MLIP: variants seen among roughly 807,000 people sequenced by gnomAD.
The protein encoded by MLIP is muscular LMNA interacting protein.
Under a neutral mutation model 84.8 loss-of-function variants are expected in MLIP, and 79 were observed. The observed-to-expected ratio is 0.93, with a 90% CI of 0.78 to 1.12. The LOEUF (loss-of-function observed/expected upper bound fraction) is 1.12. MLIP is among the 50% of genes most tolerant of loss of function. The probability of loss-of-function intolerance (pLI) is 0.00; values close to 1 mark genes in which losing one functional copy is unlikely to be tolerated. For synonymous variants in MLIP, 504 were observed against 463.0 expected (o/e 1.09, Z -1.14); for missense variants, 1,257 against 1,160.6 (o/e 1.08, Z -1.21).
At chr6:54,212,623 A>C (rs1442961006) in intron 11 of MLIP, among the ~76,000 whole-genome samples, 2 of 152,116 alleles carry the variant, frequency 1.3e-5, no homozygotes, top group Non-Finnish European at 2.9e-5. Context: ...TTTTGGGTTG[A>C]GAATTTTTTT....
intron 1 of MLIP, among the ~76,000 whole-genome samples, chr6:54,116,326 G>T (rs913370215): frequency 2.6e-5 from 4 of 152,274 alleles, no homozygotes; most frequent in African/African-American, 9.6e-5. Flanking sequence ...AAGAGTGATT[G>T]CTCAATAAAA....
intron 1 of MLIP, among the ~76,000 whole-genome samples, chr6:54,024,930 C>G (rs1046493947): frequency 6.6e-6 from 1 of 151,844 alleles, no homozygotes; most frequent in African/African-American, 2.4e-5. Flanking sequence ...CTCTGCCTCC[C>G]GGGTTCAAGC....
At chr6:54,135,273 A>G (rs752228014) in intron 3 of MLIP, among the ~76,000 whole-genome samples, 43 of 152,172 alleles carry the variant, frequency 2.8e-4, no homozygotes, top group Non-Finnish European at 5.0e-4. Context: ...CTTGACTTTT[A>G]ATTATCTCTG....
chr6:54,051,479 C>T (rs1235288140), intron 1 of MLIP, among the ~76,000 whole-genome samples: 2 of 151,958 alleles, frequency 1.3e-5, no homozygotes, highest in Non-Finnish European at 2.9e-5. Flanking sequence ...GTACCAAAAC[C>T]CAAACGTACA....
At chr6:54,187,347 C>A (rs142998539) in intron 9 of MLIP, among the ~76,000 whole-genome samples, 51 of 152,240 alleles carry the variant, frequency 3.3e-4, no homozygotes, top group African/African-American at 1.2e-3. Context: ...TAAAGAACAT[C>A]ATGAGGGAGG....
chr6:54,257,972 G>A (rs898956294), intron 13 of MLIP, among the ~76,000 whole-genome samples: 2 of 151,864 alleles, frequency 1.3e-5, no homozygotes, highest in African/African-American at 4.8e-5. Context: ...CTATACCACA[G>A]AAACAAAGAA....
At chr6:54,086,255 A>G (rs1767480594) in intron 1 of MLIP, among the ~76,000 whole-genome samples, 1 of 152,116 alleles carries the variant, frequency 6.6e-6, no homozygotes, top group African/African-American at 2.4e-5. Flanking sequence ...ATGTGACTCT[A>G]TGTTTAAATT....
intron 13 of MLIP, chr6:54,261,751 A>G (rs1783408558): frequency 1.0e-6 from 1 of 984,678 alleles, no homozygotes; most frequent in Non-Finnish European, 1.2e-6. Flanking sequence ...CGTGGAAGCC[A>G]CTCTCATTTT....
At chr6:54,129,612 A>G (rs1771215011) in intron 3 of MLIP, among the ~76,000 whole-genome samples, 1 of 152,178 alleles carries the variant, frequency 6.6e-6, no homozygotes, top group South Asian at 2.1e-4. Flanking sequence ...TTCTGACCCG[A>G]GAGATTTAGA....
rs541495861 is a variant in MLIP at position 54,124,967 on chromosome 6, CT to C, written c.645+105del. ...GCCATCCTGTTTAAGGCAGACAAAA[CT>C]TTCAAAGAAAAATATATTTAAAAAA... On this transcript the variant is annotated intron_variant, in intron 3 of 13. Transcript: ENST00000502396. The C allele has an allele frequency of 6.1e-3, 6,026 of 986,320 alleles. 27 individuals are homozygous for C. Among genetic ancestry groups the C allele is most frequent in the Non-Finnish European group, 6.9e-3 (4,888 of 710,860 alleles). 61.1% of individuals were successfully genotyped at this position (986,320 alleles called of 1,614,324 possible).
At chr6:54,251,618 A>G (rs1282246702) in intron 12 of MLIP, among the ~76,000 whole-genome samples, 2 of 105,442 alleles carry the variant, frequency 1.9e-5, no homozygotes, top group Admixed American at 2.4e-4. Flanking sequence ...AACATATAAT[A>G]TATAATACAA....
chr6:54,182,751 A>G (rs1056134569), intron 9 of MLIP, among the ~76,000 whole-genome samples: 1 of 152,222 alleles, frequency 6.6e-6, no homozygotes, highest in Non-Finnish European at 1.5e-5. Context: ...CATCACATTT[A>G]TATAATTCAA....
At chr6:54,042,366 C>T (rs1561886336) in intron 1 of MLIP, among the ~76,000 whole-genome samples, 1 of 152,124 alleles carries the variant, frequency 6.6e-6, no homozygotes, top group Admixed American at 6.6e-5. Flanking sequence ...TCCTCCTCCT[C>T]ATCCTCCTCT....
intron 12 of MLIP, among the ~76,000 whole-genome samples, chr6:54,244,159 A>T (rs1157447015): frequency 1.3e-5 from 2 of 152,162 alleles, no homozygotes; most frequent in African/African-American, 4.8e-5. Flanking sequence ...TTCTAACTTT[A>T]TGTATGATTA....
chr6:54,047,274 G>A (rs918701570), intron 1 of MLIP: 1 of 152,124 alleles, frequency 6.6e-6, no homozygotes, highest in Non-Finnish European at 1.5e-5. Flanking sequence ...GGAAGATAGA[G>A]GGATGAGTGA....
chr6:54,256,822 A>G (rs1012397501), intron 12 of MLIP, among the ~76,000 whole-genome samples: 1 of 152,170 alleles, frequency 6.6e-6, no homozygotes, highest in Non-Finnish European at 1.5e-5. Context: ...AATAGTCACA[A>G]TAAAGCACAA....
At chr6:54,194,838 T>C (rs1277132938) in intron 10 of MLIP, among the ~76,000 whole-genome samples, 2 of 151,748 alleles carry the variant, frequency 1.3e-5, no homozygotes, top group Non-Finnish European at 2.9e-5. Context: ...TAATAAGTGG[T>C]ATAAAAATCT....
intron 12 of MLIP, among the ~76,000 whole-genome samples, chr6:54,239,810 T>C (rs972389220): frequency 2.0e-5 from 3 of 151,670 alleles, no homozygotes; most frequent in Non-Finnish European, 4.4e-5. Flanking sequence ...AAAAATAAAA[T>C]AAAATAAAAT....
chr6:54,026,342 T>C (rs12662586), intron 1 of MLIP, among the ~76,000 whole-genome samples: 13,215 of 152,204 alleles, frequency 0.087, 1,361 homozygotes, highest in East Asian at 0.59. Flanking sequence ...TAGTAGTAAA[T>C]AGTAACCGTG....
Sources: allele counts gnomAD v4.1 joint callset (sites outside exome capture counted in the v4.1 genomes callset), GRCh38; gene constraint gnomAD v4.1.1; transcripts MANE v1.5; gene names NCBI Gene and HGNC (gene_info 2026-07-23, HGNC 2026-07-21).